LIPC: variants seen among roughly 807,000 people sequenced by gnomAD.
The protein encoded by LIPC is hepatic triacylglycerol lipase.
A neutral mutation model predicts 50.7 loss-of-function variants in LIPC; 44 were observed. That is an observed-to-expected ratio of 0.87 (90% CI 0.68 to 1.11). LIPC has a LOEUF of 1.11. Among genes scored for constraint, LIPC ranks in the 50% most tolerant of loss-of-function variants. LIPC has a pLI of 0.00. For synonymous variants in LIPC, 271 were observed against 256.4 expected, an observed-to-expected ratio of 1.06 and a Z score of -0.54; for missense variants, 697 against 648.2, an observed-to-expected ratio of 1.08 and a Z score of -0.82.
At chr15:58,515,533 C>CACATATATATATATATATATATAT (rs147594972) in intron 1 of LIPC, among the ~76,000 whole-genome samples, 61 of 141,700 alleles carry the variant, frequency 4.3e-4, no homozygotes, top group African/African-American at 1.6e-3. Context: ...TATACACACA[C>CACATATATATATATATATATATAT]ATATATATAT....
chr15:58,528,323 T>TA (rs1216641443), intron 1 of LIPC, among the ~76,000 whole-genome samples: 1 of 152,134 alleles, frequency 6.6e-6, no homozygotes, highest in Non-Finnish European at 1.5e-5. Flanking sequence ...TTTGCATGAT[T>TA]AAATCCGGCC....
chr15:58,507,497 A>T (rs1892189166), intron 1 of LIPC, among the ~76,000 whole-genome samples: 1 of 152,214 alleles, frequency 6.6e-6, no homozygotes, highest in East Asian at 1.9e-4. Context: ...TATTTCTTTG[A>T]ATCAAGGATT....
At chr15:58,557,403 G>A (rs1422386150) in intron 6 of LIPC, among the ~76,000 whole-genome samples, 1 of 2,090 alleles carries the variant, frequency 4.8e-4, no homozygotes, top group Admixed American at 4.5e-3. Context: ...TTTTTTTTTT[G>A]AGATGTAGTC....
intron 1 of LIPC, among the ~76,000 whole-genome samples, chr15:58,508,114 G>A (rs1892213997): frequency 6.6e-6 from 1 of 152,108 alleles, no homozygotes; most frequent in Non-Finnish European, 1.5e-5. Flanking sequence ...AACTCAGGGA[G>A]GAGACTAGAG....
intron 7 of LIPC, among the ~76,000 whole-genome samples, chr15:58,562,016 G>A (rs1178863133): frequency 6.6e-6 from 1 of 152,212 alleles, no homozygotes; most frequent in Non-Finnish European, 1.5e-5. Context: ...ACAGGGCACT[G>A]TGGTAGGCGC....
At chr15:58,564,008 G>C in intron 8 of LIPC, 2 of 459,102 alleles carry the variant, frequency 4.4e-6, no homozygotes, top group Admixed American at 6.7e-5. Flanking sequence ...ACGAACCCCA[G>C]GCTTCTCAAG....
chr15:58,432,819 G>A (rs939499477), intron 1 of LIPC, among the ~76,000 whole-genome samples: 1 of 152,212 alleles, frequency 6.6e-6, no homozygotes, highest in African/African-American at 2.4e-5. Flanking sequence ...GGCCAGACTA[G>A]ACAGGTGTTT....
At chr15:58,564,160 C>CTCTCTCTCTT (rs72141867) in intron 8 of LIPC, among the ~76,000 whole-genome samples, 1 of 151,574 alleles carries the variant, frequency 6.6e-6, no homozygotes, top group Non-Finnish European at 1.5e-5. Context: ...GTATCTCTCT[C>CTCTCTCTCTT]TCTCTCTCTC....
intron 1 of LIPC, among the ~76,000 whole-genome samples, chr15:58,521,125 G>T (rs1353936859): frequency 6.6e-6 from 1 of 152,160 alleles, no homozygotes; most frequent in Non-Finnish European, 1.5e-5. Flanking sequence ...CCATAGGAAG[G>T]GGACTGTGGG....
At position 58,538,313 on chromosome 15, in the gene LIPC, T is replaced by A. The variant is rs192721308; in HGVS notation, c.89-20T>A. On this transcript the variant is annotated intron_variant, in intron 1 of 8. Transcript: ENST00000299022. The stretch of plus-strand genomic sequence containing the variant: ...GAAGCAGATGCCAGGCTAAGCACCG[T>A]CCCCAATCTTATATTGCAGAGCCAT... The A allele has an allele frequency of 1.2e-6, 2 of 1,613,638 alleles. No homozygotes were observed. The highest frequency in any genetic ancestry group is 3.3e-5 in the Admixed American group (2 of 60,016).
chr15:58,464,115 T>A (rs1157700133), intron 1 of LIPC, among the ~76,000 whole-genome samples: 1 of 152,196 alleles, frequency 6.6e-6, no homozygotes, highest in Admixed American at 6.5e-5. Flanking sequence ...TATTATTTTT[T>A]AAAATCATGA....
chr15:58,567,061 G>A (rs1894387411), intron 8 of LIPC, among the ~76,000 whole-genome samples: 1 of 151,612 alleles, frequency 6.6e-6, no homozygotes, highest in Non-Finnish European at 1.5e-5. Context: ...AATTAGCCGG[G>A]CGTGGTGGCG....
intron 8 of LIPC, 32 bp from the exon 9 acceptor site, chr15:58,568,684 A>C: frequency 7.9e-7 from 1 of 1,259,174 alleles, no homozygotes; most frequent in East Asian, 2.4e-5. Flanking sequence ...CCTAAAACTT[A>C]ATGCTGTGTT....
chr15:58,432,507 G>A (rs11632618), intron 1 of LIPC: 13,905 of 290,990 alleles, frequency 0.048, 483 homozygotes, highest in Non-Finnish European at 0.067. Context: ...GCTCTGTCGG[G>A]TTGGGGTTGT....
chr15:58,464,922 A>C (rs1894495161), intron 1 of LIPC, among the ~76,000 whole-genome samples: 1 of 152,158 alleles, frequency 6.6e-6, no homozygotes, highest in South Asian at 2.1e-4. Context: ...GCAGTGAGCC[A>C]AGACTGTGCC....
At chr15:58,506,982 C>T (rs147815984) in intron 1 of LIPC, among the ~76,000 whole-genome samples, 5 of 152,256 alleles carry the variant, frequency 3.3e-5, no homozygotes, top group African/African-American at 9.6e-5. Context: ...AAATGCCCAG[C>T]GAAGGGGTAG....
chr15:58,462,206 G>T (rs1404804209), intron 1 of LIPC, among the ~76,000 whole-genome samples: 1 of 152,228 alleles, frequency 6.6e-6, no homozygotes, highest in African/African-American at 2.4e-5. Flanking sequence ...GATCGTGAGT[G>T]CTTTGAAGGC....
At chr15:58,545,712 G>A (rs558189607) in intron 4 of LIPC, 30 bp from the exon 5 acceptor site, 23 of 1,593,538 alleles carry the variant, frequency 1.4e-5, no homozygotes, top group South Asian at 3.3e-5. Context: ...CCTTGCTCCT[G>A]CGTAACCCTT....
intron 1 of LIPC, chr15:58,474,036 CAA>C (rs1206595492): frequency 1.3e-5 from 2 of 152,354 alleles, no homozygotes; most frequent in African/African-American, 4.8e-5. Flanking sequence ...GCCCACTCAG[CAA>C]AGACGTACTG....
Sources: allele counts gnomAD v4.1 joint callset (sites outside exome capture counted in the v4.1 genomes callset), GRCh38; gene constraint gnomAD v4.1.1; transcripts MANE v1.5; gene names NCBI Gene and HGNC (gene_info 2026-07-23, HGNC 2026-07-21).